Variants in CEP128 observed in about 807,000 individuals in gnomAD.
CEP128 encodes centrosomal protein 128kDa.
In CEP128, 132 loss-of-function variants were observed where a neutral mutation model predicts 156.7. That is an observed-to-expected ratio of 0.84 (90% confidence interval 0.73 to 0.97). CEP128 has a LOEUF of 0.97. Among genes scored for constraint, CEP128 ranks in the 50% least tolerant of loss-of-function variants. The probability of loss-of-function intolerance (pLI) is 0.00; values close to 1 mark genes in which losing one functional copy is unlikely to be tolerated. For missense variants in CEP128, 1,252 were observed against 1,281.9 expected (o/e 0.98, Z 0.36); for synonymous variants, 469 against 448.9 (o/e 1.04, Z -0.57).
chr14:80,835,152 C>T (rs1018071452), intron 12 of CEP128, among the ~76,000 whole-genome samples: 3 of 152,130 alleles, frequency 2.0e-5, no homozygotes, highest in African/African-American at 7.2e-5. Flanking sequence ...CCCCACTCCC[C>T]ATTTGACCTC....
chr14:80,817,221 TA>T (rs953452186), intron 13 of CEP128, among the ~76,000 whole-genome samples: 8 of 151,560 alleles, frequency 5.3e-5, no homozygotes, highest in Non-Finnish European at 8.8e-5. Context: ...ACTAAACTAC[TA>T]AAAAAAACCC....
At chr14:80,607,584 C>A (rs781155379) in intron 19 of CEP128, among the ~76,000 whole-genome samples, 5 of 152,096 alleles carry the variant, frequency 3.3e-5, no homozygotes, top group Non-Finnish European at 5.9e-5. Context: ...TACTGTTAAT[C>A]TTTCAGAGAA....
At chr14:80,773,148 C>A (rs1900605918) in intron 16 of CEP128, among the ~76,000 whole-genome samples, 1 of 152,072 alleles carries the variant, frequency 6.6e-6, no homozygotes, top group Admixed American at 6.6e-5. Flanking sequence ...TATCCAAGAA[C>A]AAGATATTCT....
intron 19 of CEP128, among the ~76,000 whole-genome samples, chr14:80,662,427 A>T (rs1286084819): frequency 6.6e-6 from 1 of 152,158 alleles, no homozygotes; most frequent in African/African-American, 2.4e-5. Context: ...TTTAAAATCA[A>T]CTATGTTTGA....
At position 80,941,561 on chromosome 14, in the gene CEP128, G is replaced by A. The variant is rs1453994265; in HGVS notation, c.-172+20C>T. 2.6e-5 allele frequency: 4 copies of A among 152,758 alleles called. No homozygotes were observed. Among genetic ancestry groups the A allele is most frequent in the Non-Finnish European group, 5.9e-5 (4 of 68,178 alleles). 9.5% of individuals were successfully genotyped at this position (152,758 alleles called of 1,614,324 possible). A position where few individuals can be genotyped will look rare whatever the true frequency, so the allele number is the denominator to read the frequency against. On this transcript the variant is annotated intron_variant, in intron 1 of 24. Coordinates refer to ENST00000555265, the MANE Select transcript of CEP128 (RefSeq NM_152446.5). ...GGGGAAGTGGTCGAAAAAGGGCAAG[G>A]GGGAGGTGGGGGCAGGTACCTGAGA... is the stretch of plus-strand genomic sequence containing the variant.
chr14:80,583,859 A>G (rs1394502390), intron 19 of CEP128, among the ~76,000 whole-genome samples: 1 of 152,192 alleles, frequency 6.6e-6, no homozygotes, highest in East Asian at 1.9e-4. Context: ...AGAAACCTAG[A>G]AGAACTTTCT....
chr14:80,946,165 A>G (rs1886337514), upstream of CEP128, among the ~76,000 whole-genome samples: 1 of 152,190 alleles, frequency 6.6e-6, no homozygotes, highest in Non-Finnish European at 1.5e-5. Flanking sequence ...CTAGTGTCTA[A>G]TTCATGGTAA....
rs117402664 is a variant in CEP128 at position 80,663,659 on chromosome 14, T to C, written c.2806+79416A>G. Among the ~76,000 whole-genome samples, 46 of 152,322 alleles carry C rather than the reference T, an allele frequency of 3.0e-4. 1 individual carries two copies. The East Asian group carries it at 8.1e-3, about 27-fold the overall frequency. ...GTGCGAGGCACTACCAAAGATGTTATACATAGACTATTGCACTGAATTCTC... is the reference window on the plus strand; with the variant it reads ...GTGCGAGGCACTACCAAAGATGTTACACATAGACTATTGCACTGAATTCTC... On this transcript the variant is annotated intron_variant, in intron 19 of 24. Transcript: ENST00000555265.
At chr14:80,613,662 C>T (rs565959289) in intron 19 of CEP128, among the ~76,000 whole-genome samples, 2 of 152,080 alleles carry the variant, frequency 1.3e-5, no homozygotes, top group South Asian at 2.1e-4. Flanking sequence ...ATTCAAATGA[C>T]GCTTTATAAG....
intron 13 of CEP128, among the ~76,000 whole-genome samples, chr14:80,799,430 G>A (rs998561096): frequency 6.6e-6 from 1 of 152,154 alleles, no homozygotes; most frequent in African/African-American, 2.4e-5. Flanking sequence ...TGAACAATAT[G>A]AAATCAGTGC....
chr14:80,651,611 A>C (rs970174481), intron 19 of CEP128, among the ~76,000 whole-genome samples: 1 of 152,064 alleles, frequency 6.6e-6, no homozygotes, highest in Non-Finnish European at 1.5e-5. Flanking sequence ...ATTCTGGTAC[A>C]TCATGTCTTT....
intron 9 of CEP128, 85 bp downstream of exon 9, chr14:80,862,672 C>T: frequency 1.1e-6 from 1 of 871,918 alleles, no homozygotes; most frequent in East Asian, 2.4e-5. Flanking sequence ...TTGAATTATA[C>T]TGTCACATGC....
At chr14:80,635,320 G>A (rs547838774) in intron 19 of CEP128, among the ~76,000 whole-genome samples, 1 of 152,180 alleles carries the variant, frequency 6.6e-6, no homozygotes, top group East Asian at 1.9e-4. Context: ...AGAATTCAAT[G>A]CACAGTACAT....
chr14:80,652,083 G>A (rs1894930561), intron 19 of CEP128, among the ~76,000 whole-genome samples: 1 of 151,958 alleles, frequency 6.6e-6, no homozygotes, highest in South Asian at 2.1e-4. Context: ...ACAAAAACAA[G>A]CAACAGGGAA....
intron 21 of CEP128, among the ~76,000 whole-genome samples, chr14:80,553,492 T>C (rs530534569): frequency 6.6e-5 from 10 of 152,312 alleles, no homozygotes; most frequent in African/African-American, 2.4e-4. Context: ...CTCTATTTGA[T>C]TACACTGACC....
At chr14:80,841,086 T>C (rs892819137) in intron 9 of CEP128, among the ~76,000 whole-genome samples, 1 of 152,046 alleles carries the variant, frequency 6.6e-6, no homozygotes, top group Non-Finnish European at 1.5e-5. Context: ...TTTAATAAAA[T>C]GAGGAAAAAG....
intron 19 of CEP128, among the ~76,000 whole-genome samples, chr14:80,652,028 C>A (rs1053624577): frequency 4.6e-5 from 7 of 151,790 alleles, no homozygotes; most frequent in Admixed American, 3.3e-4. Flanking sequence ...AAGTCTCCCA[C>A]TATTATGGTG....
intron 8 of CEP128, among the ~76,000 whole-genome samples, chr14:80,864,713 C>T (rs994115630): frequency 1.3e-5 from 2 of 152,018 alleles, no homozygotes; most frequent in South Asian, 2.1e-4. Flanking sequence ...CCTGCCACCA[C>T]GCCTGGCTAA....
rs533578651 is a variant in CEP128 at position 80,813,190 on chromosome 14, T to C, written c.1209+17953A>G. Among the ~76,000 whole-genome samples, 4 of 152,360 alleles carry C rather than the reference T, an allele frequency of 2.6e-5. No individual in the cohort carries two copies. The East Asian group carries it at 7.7e-4, about 29-fold the overall frequency. ...GGTTGTCTGTTTACTCCGTTGATAG[T>C]TTCTTTTGCTGTGTAGAAGTTCTTT... On this transcript the variant is annotated intron_variant, in intron 13 of 24. Transcript: ENST00000555265.
Sources: gnomAD v4.1 joint callset for allele counts (sites outside exome capture counted in the v4.1 genomes callset) on GRCh38, gnomAD v4.1.1 for gene constraint, MANE v1.5 for transcripts, NCBI Gene and HGNC (gene_info 2026-07-23, HGNC 2026-07-21) for gene names.